The following RYR2 variants were observed in gnomAD, a reference collection of about 807,000 sequenced individuals.
The protein encoded by RYR2 is cardiac muscle ryanodine receptor-calcium release channel.
A neutral mutation model predicts 601.1 loss-of-function variants in RYR2; 227 were observed. The observed-to-expected ratio is 0.38, with a 90% CI of 0.34 to 0.42. The LOEUF (loss-of-function observed/expected upper bound fraction) is 0.42. Ranked by LOEUF, RYR2 falls within the 10% of genes least tolerant of loss-of-function variation. RYR2 has a pLI of 1.00. For missense variants in RYR2, 4,646 were observed against 6,156.5 expected, an observed-to-expected ratio of 0.75 and a Z score of 8.21; for synonymous variants, 2,223 against 2,175.1, an observed-to-expected ratio of 1.02 and a Z score of -0.61.
In RYR2 at chr1:237,770,792, C is replaced by T. The variant is rs1488797201; in HGVS notation, c.11477-15C>T. 2 of 1,535,886 alleles carry T rather than the reference C, an allele frequency of 1.3e-6. No homozygotes were observed. Among genetic ancestry groups the T allele is most frequent in the Admixed American group, 2.0e-5 (1 of 51,190 alleles). On this transcript the variant is annotated splice_polypyrimidine_tract_variant and intron_variant, in intron 84 of 104. Transcript: ENST00000366574. The stretch of plus-strand genomic sequence containing the variant: ...GGGTGGCTGGTAATGTTTGATCCCT[C>T]TGGATTTCCCACAGGAGAAAAGGTT...
At chr1:237,293,741 G>A (rs1017198037) in intron 2 of RYR2, among the ~76,000 whole-genome samples, 7 of 152,174 alleles carry the variant, frequency 4.6e-5, no homozygotes, top group South Asian at 2.1e-4. Flanking sequence ...GAGGCACAGA[G>A]CTCCCATGTC....
intron 24 of RYR2, among the ~76,000 whole-genome samples, chr1:237,527,087 A>G (rs540142354): frequency 5.2e-4 from 79 of 151,996 alleles, no homozygotes; most frequent in Non-Finnish European, 7.4e-4. Flanking sequence ...ATTTTTGTTA[A>G]CTTTGTCAAA....
At chr1:237,641,817 C>G (rs1033766895) in intron 47 of RYR2, among the ~76,000 whole-genome samples, 1 of 152,224 alleles carries the variant, frequency 6.6e-6, no homozygotes, top group Non-Finnish European at 1.5e-5. Flanking sequence ...GCTGGGCTTA[C>G]AGGCGTGAGC....
chr1:237,160,382 C>T (rs1675872464), intron 1 of RYR2, among the ~76,000 whole-genome samples: 1 of 152,130 alleles, frequency 6.6e-6, no homozygotes, highest in African/African-American at 2.4e-5. Flanking sequence ...AGTATTGCTT[C>T]TAAATTCTTA....
intron 72 of RYR2, among the ~76,000 whole-genome samples, chr1:237,718,248 T>C (rs1251414853): frequency 6.6e-6 from 1 of 152,236 alleles, no homozygotes; most frequent in African/African-American, 2.4e-5. Context: ...TCAATGTCCT[T>C]ACTGTGGAGG....
chr1:237,571,274 T>G (rs943679559), intron 29 of RYR2, among the ~76,000 whole-genome samples: 1 of 151,860 alleles, frequency 6.6e-6, no homozygotes, highest in Non-Finnish European at 1.5e-5. Flanking sequence ...GATTTTAAGA[T>G]ACATACCTAC....
Position 237,180,087 on chromosome 1 carries a change from G to A in RYR2, c.49-90410G>A, listed in dbSNP as rs929076565. 7.1e-4 allele frequency among the ~76,000 whole-genome samples: 108 copies of A among 152,014 alleles called. 1 individual carries two copies. The highest frequency in any genetic ancestry group is 1.6e-4 in the Non-Finnish European group (11 of 68,036). ...AGACCCGACTTACTGAGCCATGTCCGTGTCGTCCTGTTGGTAAGGGCTGTT... is the reference window on the plus strand; with the variant it reads ...AGACCCGACTTACTGAGCCATGTCCATGTCGTCCTGTTGGTAAGGGCTGTT... On this transcript the variant is annotated intron_variant, in intron 1 of 104. Coordinates refer to ENST00000366574, the MANE Select transcript of RYR2 (RefSeq NM_001035.3). This position sits in a 1 kb window ranked among gnomAD's most constrained non-coding sequence, Gnocchi z 5.3.
intron 17 of RYR2, among the ~76,000 whole-genome samples, chr1:237,488,542 G>C (rs997921148): frequency 2.6e-5 from 4 of 152,094 alleles, no homozygotes; most frequent in African/African-American, 9.7e-5. Flanking sequence ...GAGCCCAAAG[G>C]CTGGATGTAC....
chr1:237,398,900 G>A (rs776050742), intron 10 of RYR2, among the ~76,000 whole-genome samples: 6 of 152,056 alleles, frequency 3.9e-5, no homozygotes, highest in African/African-American at 7.2e-5. Flanking sequence ...CTATTGAAAC[G>A]CACAACCACC....
rs1475863203 is a variant in RYR2, at chr1:237,784,416, T to C, written c.12704T>C (p.Phe4235Ser). The change falls in exon 90 of 105, where the codon TTC (phenylalanine) becomes TCC (serine). Residue 4235 changes from phenylalanine to serine, a missense_variant. Coordinates refer to ENST00000366574, the MANE Select transcript of RYR2 (RefSeq NM_001035.3). This position sits in a 1 kb window ranked among gnomAD's most constrained non-coding sequence, Gnocchi z 7.1. ...GAAGAGCAGGGGCCGAGGATGGCTT[T>C]CTTCTCCATTCTGACGGTCAGGTCG... The part of the protein sequence containing the change: ...RPEEQGPRMA[F>S]FSILTVRSAL... The C allele has an allele frequency of 1.9e-6, 3 of 1,613,690 alleles. No individual in the cohort carries two copies. Among genetic ancestry groups the C allele is most frequent in the South Asian group, 1.1e-5 (1 of 91,074 alleles).
At chr1:237,237,004 T>C (rs1685613128) in intron 1 of RYR2, among the ~76,000 whole-genome samples, 1 of 152,190 alleles carries the variant, frequency 6.6e-6, no homozygotes, top group African/African-American at 2.4e-5. Context: ...TCTCCCATGC[T>C]GTTATAATGA....
intron 63 of RYR2, among the ~76,000 whole-genome samples, chr1:237,691,575 A>G (rs778391685): frequency 4.6e-5 from 7 of 152,188 alleles, no homozygotes; most frequent in Non-Finnish European, 1.0e-4. Flanking sequence ...GATGGACACT[A>G]TACAGGAATT....
intron 8 of RYR2, among the ~76,000 whole-genome samples, chr1:237,384,326 TA>T (rs949994129): frequency 4.6e-5 from 7 of 152,230 alleles, no homozygotes; most frequent in African/African-American, 1.7e-4. Flanking sequence ...CCTTATTACC[TA>T]AAATCAAGGT....
chr1:237,133,953 C>T (rs1672470670), intron 1 of RYR2, among the ~76,000 whole-genome samples: 1 of 139,312 alleles, frequency 7.2e-6, no homozygotes, highest in Non-Finnish European at 1.5e-5. Flanking sequence ...AAGTGGGAGT[C>T]ATCCCTTAGT....
intron 25 of RYR2, among the ~76,000 whole-genome samples, chr1:237,543,882 G>A (rs2148050642): frequency 1.3e-5 from 2 of 152,266 alleles, no homozygotes; most frequent in Admixed American, 1.3e-4. Flanking sequence ...ACAAAACTGA[G>A]CTGCAACTTA....
intron 17 of RYR2, among the ~76,000 whole-genome samples, chr1:237,489,818 GA>G (rs1663122370): frequency 6.6e-6 from 1 of 152,112 alleles, no homozygotes; most frequent in Admixed American, 6.5e-5. Flanking sequence ...TTGTTTTACC[GA>G]AAAGACACAT....
At chr1:237,387,954 A>T in intron 9 of RYR2, 133 bp from the exon 10 acceptor site, 1 of 766,212 alleles carries the variant, frequency 1.3e-6, no homozygotes, top group Non-Finnish European at 2.2e-6. Flanking sequence ...TATCTCTGTG[A>T]CCTTGGCCAG....
In RYR2 at chr1:237,062,688, A is replaced by T. The variant is rs184352257; in HGVS notation, c.48+20119A>T. Among the ~76,000 whole-genome samples the T allele has an allele frequency of 1.8e-3, 278 of 152,104 alleles. 2 individuals are homozygous for T. Among genetic ancestry groups the T allele is most frequent in the Admixed American group, 0.017 (254 of 15,280 alleles). On this transcript the variant is annotated intron_variant, in intron 1 of 104. Transcript: ENST00000366574. ...CTGACCATTTTATTTTTTGCTTCTC[A>T]GTTTTCATTTCTTGTTATTGCCTCA...
chr1:237,423,694 G>T (rs1323074619), intron 12 of RYR2, among the ~76,000 whole-genome samples: 1 of 152,056 alleles, frequency 6.6e-6, no homozygotes, highest in Non-Finnish European at 1.5e-5. Context: ...GGATGTTTTT[G>T]GGTTACAGTG....
Sources: allele counts gnomAD v4.1 joint callset (sites outside exome capture counted in the v4.1 genomes callset), GRCh38; gene constraint gnomAD v4.1.1; non-coding constraint Gnocchi (gnomAD v3.1); transcripts MANE v1.5; gene names NCBI Gene and HGNC (gene_info 2026-07-23, HGNC 2026-07-21).